Variants in BBS9 observed in about 807,000 individuals in gnomAD.
BBS9 encodes protein PTHB1.
BBS9 carries 89 observed loss-of-function variants against 117.7 expected under a neutral mutation model. That is an observed-to-expected ratio of 0.76 (90% CI 0.64 to 0.90). The LOEUF (loss-of-function observed/expected upper bound fraction) is 0.90. Ranked by LOEUF, BBS9 falls within the 40% of genes least tolerant of loss-of-function variation. The pLI is 0.00. For synonymous variants in BBS9, 379 were observed against 370.9 expected (o/e 1.02, Z -0.25); for missense variants, 982 against 1,042.2 (o/e 0.94, Z 0.80).
intron 5 of BBS9, among the ~76,000 whole-genome samples, chr7:33,198,389 G>A (rs760204281): frequency 3.3e-5 from 5 of 151,924 alleles, no homozygotes; most frequent in Non-Finnish European, 7.4e-5. Context: ...GGCAGGATTT[G>A]TATATTAAAA....
chr7:33,184,103 G>C (rs982726438), intron 5 of BBS9, among the ~76,000 whole-genome samples: 2,180 of 149,470 alleles, frequency 0.015, 52 homozygotes, highest in African/African-American at 0.052. Context: ...CACACAGAGA[G>C]AGAGAGAGAG....
intron 5 of BBS9, among the ~76,000 whole-genome samples, chr7:33,208,058 C>T (rs959709217): frequency 1.5e-4 from 23 of 152,196 alleles, no homozygotes; most frequent in Admixed American, 1.3e-4. Flanking sequence ...ATCCACCCGC[C>T]TTGGCCTCCC....
At chr7:33,254,357 T>C (rs1255441140) in intron 5 of BBS9, among the ~76,000 whole-genome samples, 1 of 152,208 alleles carries the variant, frequency 6.6e-6, no homozygotes, top group Non-Finnish European at 1.5e-5. Context: ...ACTTTGGAAC[T>C]CTTTTTCAGC....
rs145849296 is a variant in BBS9, at chr7:33,343,081, TCTTAA to T, written c.1276-1496_1276-1492del. Among the ~76,000 whole-genome samples the T allele has an allele frequency of 5.9e-5, 9 of 152,284 alleles. No individual in the cohort carries two copies. In the East Asian group the frequency reaches 1.2e-3, roughly 20 times the overall value. On this transcript the variant is annotated intron_variant, in intron 11 of 22. Coordinates refer to ENST00000242067, the MANE Select transcript of BBS9 (RefSeq NM_198428.3). ...TGGAGCCATAAGTAGAATATGAATC[TCTTAA>T]CTTTGAATTCTGCTGATGCTCATTA... is the stretch of plus-strand genomic sequence containing the variant.
chr7:33,617,593 AATC>A (rs1865204261), intron 21 of BBS9, among the ~76,000 whole-genome samples: 1 of 151,842 alleles, frequency 6.6e-6, no homozygotes, highest in South Asian at 2.1e-4. Context: ...AATTCAAATT[AATC>A]ATCTTAAAGA....
At chr7:33,465,019 C>G (rs997722009) in intron 19 of BBS9, among the ~76,000 whole-genome samples, 4 of 151,730 alleles carry the variant, frequency 2.6e-5, no homozygotes, top group Non-Finnish European at 5.9e-5. Flanking sequence ...TTCTGCCAAC[C>G]CCAGGTGCTA....
chr7:33,603,485 A>G (rs1864110568), intron 21 of BBS9, among the ~76,000 whole-genome samples: 1 of 152,172 alleles, frequency 6.6e-6, no homozygotes, highest in South Asian at 2.1e-4. Flanking sequence ...CAAGTTACTG[A>G]ATCTCATGAG....
chr7:33,181,347 T>C (rs1798075499), intron 5 of BBS9, among the ~76,000 whole-genome samples: 1 of 152,212 alleles, frequency 6.6e-6, no homozygotes, highest in Admixed American at 6.5e-5. Context: ...TCTTTGTACC[T>C]GGAAATCCCA....
chr7:33,459,962 T>C (rs1186947507), intron 19 of BBS9, among the ~76,000 whole-genome samples: 1 of 152,174 alleles, frequency 6.6e-6, no homozygotes, highest in Non-Finnish European at 1.5e-5. Flanking sequence ...ATAAGTTAAA[T>C]GAAACCTGCA....
chr7:33,329,670 G>C (rs948300926), intron 9 of BBS9, among the ~76,000 whole-genome samples: 19 of 151,912 alleles, frequency 1.3e-4, no homozygotes, highest in Non-Finnish European at 2.4e-4. Flanking sequence ...TATTTTTATG[G>C]TTTTTGATAT....
intron 9 of BBS9, among the ~76,000 whole-genome samples, chr7:33,327,957 G>A (rs1307891722): frequency 2.6e-5 from 4 of 152,050 alleles, no homozygotes; most frequent in Admixed American, 1.3e-4. Context: ...GGAGAGGTGG[G>A]GCCAAAATCA....
chr7:33,290,696 A>T (rs902019793), intron 9 of BBS9, among the ~76,000 whole-genome samples: 5 of 152,238 alleles, frequency 3.3e-5, no homozygotes, highest in Non-Finnish European at 5.9e-5. Context: ...GCCCAGGCAG[A>T]CATACTCTAA....
intron 5 of BBS9, among the ~76,000 whole-genome samples, chr7:33,183,933 C>G (rs1798437905): frequency 6.6e-6 from 1 of 152,106 alleles, no homozygotes; most frequent in Non-Finnish European, 1.5e-5. Context: ...CATGTTCAAT[C>G]TTAAGGTACT....
intron 6 of BBS9, 94 bp from the exon 7 acceptor site, chr7:33,264,196 A>C (rs868841683): frequency 1.6e-6 from 1 of 610,226 alleles, no homozygotes; most frequent in East Asian, 3.9e-5. Flanking sequence ...TGCTTTATAA[A>C]GTTTATAGAT....
chr7:33,529,239 C>T (rs958405997), intron 20 of BBS9, among the ~76,000 whole-genome samples: 2 of 152,172 alleles, frequency 1.3e-5, no homozygotes, highest in Non-Finnish European at 2.9e-5. Context: ...AAACAGGGGA[C>T]TGGGCAGCCA....
At chr7:33,418,843 C>G (rs993804287) in intron 19 of BBS9, among the ~76,000 whole-genome samples, 5 of 152,186 alleles carry the variant, frequency 3.3e-5, no homozygotes, top group African/African-American at 1.2e-4. Flanking sequence ...AAACAACACA[C>G]AAAACATGCC....
At chr7:33,453,206 A>T (rs976529047) in intron 19 of BBS9, among the ~76,000 whole-genome samples, 2 of 152,148 alleles carry the variant, frequency 1.3e-5, no homozygotes, top group African/African-American at 4.8e-5. Context: ...GCATGGTCTT[A>T]TGTTGTGGAG....
At chr7:33,295,775 C>G (rs887914480) in intron 9 of BBS9, among the ~76,000 whole-genome samples, 3 of 151,878 alleles carry the variant, frequency 2.0e-5, no homozygotes, top group Non-Finnish European at 2.9e-5. Flanking sequence ...TCTGTTTGAT[C>G]CAGACTGTTA....
intron 19 of BBS9, among the ~76,000 whole-genome samples, chr7:33,403,186 C>T (rs1829229714): frequency 6.6e-6 from 1 of 151,524 alleles, no homozygotes; most frequent in Non-Finnish European, 1.5e-5. Context: ...GGGTATGGAT[C>T]CTGTCACCCA....
Sources: gnomAD v4.1 joint callset for allele counts (sites outside exome capture counted in the v4.1 genomes callset) on GRCh38, gnomAD v4.1.1 for gene constraint, MANE v1.5 for transcripts, NCBI Gene and HGNC (gene_info 2026-07-23, HGNC 2026-07-21) for gene names.